Variants in NUDT4 observed in about 807,000 individuals in gnomAD.
NUDT4 encodes nudix hydrolase 4.
NUDT4 carries 5 observed loss-of-function variants against 23.1 expected under a neutral mutation model. The ratio of observed to expected loss-of-function variants is 0.22; its 90% CI spans 0.11 to 0.46. NUDT4 has a LOEUF of 0.46. Among genes scored for constraint, NUDT4 ranks in the 20% least tolerant of loss-of-function variants. The probability of loss-of-function intolerance (pLI) is 0.99; values close to 1 mark genes in which losing one functional copy is unlikely to be tolerated. For synonymous variants in NUDT4, 50 were observed against 79.0 expected (o/e 0.63, Z 1.95); for missense variants, 96 against 211.6 (o/e 0.45, Z 3.39).
At position 93,402,345 on chromosome 12, in the gene NUDT4, CTT is replaced by C. The variant is rs1877513115; in HGVS notation, c.*2968_*2969del. ...AGATTTGCAAACCAGGTTTCTGAAACTTTGGGTAAGGTGTATGCTTTTAACTT... is the reference window on the plus strand; with the variant it reads ...AGATTTGCAAACCAGGTTTCTGAAACTGGGTAAGGTGTATGCTTTTAACTT... On this transcript the variant is annotated 3_prime_UTR_variant, in exon 5 of 5. Coordinates refer to ENST00000415493, the MANE Select transcript of NUDT4 (RefSeq NM_019094.6). The C allele has an allele frequency of 2.6e-5, 4 of 151,910 alleles. No individual in the cohort carries two copies. Among genetic ancestry groups the C allele is most frequent in the Admixed American group, 6.6e-5 (1 of 15,250 alleles). The allele number at this position is 151,910 out of a possible 1,614,324, so 9.4% of individuals were successfully genotyped here.
chr12:93,398,082 C>A (rs938676097), intron 3 of NUDT4, among the ~76,000 whole-genome samples: 3 of 152,006 alleles, frequency 2.0e-5, no homozygotes, highest in Non-Finnish European at 4.4e-5. Context: ...GTGGCTCACA[C>A]CTGTAATCCC....
At chr12:93,388,659 G>C (rs117932920) in intron 1 of NUDT4, among the ~76,000 whole-genome samples, 22 of 152,244 alleles carry the variant, frequency 1.4e-4, no homozygotes, top group Admixed American at 7.2e-4. Flanking sequence ...CCATTTTCAT[G>C]ATTCTGATTT....
At chr12:93,394,745 T>TCCGGA (rs1386713210) in intron 2 of NUDT4, 26 bp downstream of exon 2, 1 of 1,439,146 alleles carries the variant, frequency 6.9e-7, no homozygotes, top group African/African-American at 1.4e-5. Flanking sequence ...ACACAAATTC[T>TCCGGA]GTTTCGGAGT....
At chr12:93,387,692 C>A (rs1876207713) in intron 1 of NUDT4, among the ~76,000 whole-genome samples, 1 of 152,270 alleles carries the variant, frequency 6.6e-6, no homozygotes, top group South Asian at 2.1e-4. Flanking sequence ...TGGTCTAGAT[C>A]TAGTGCTGGG....
At chr12:93,389,536 G>T (rs1592720207) in intron 1 of NUDT4, among the ~76,000 whole-genome samples, 1 of 152,092 alleles carries the variant, frequency 6.6e-6, no homozygotes, top group African/African-American at 2.4e-5. Flanking sequence ...GAGACACAAG[G>T]GTTCCATATT....
Position 93,404,169 on chromosome 12 carries a change from C to T in NUDT4, c.*4790C>T, listed in dbSNP as rs1303799488. The T allele has an allele frequency of 2.0e-5, 3 of 152,148 alleles. No homozygotes were observed. Among genetic ancestry groups the T allele is most frequent in the Non-Finnish European group, 4.4e-5 (3 of 68,034 alleles). The allele number at this position is 152,148 out of a possible 1,614,324, so 9.4% of individuals were successfully genotyped here. ...CATTTGGCCATCATTATTTATCAACCTTAAGAAACATGCCTATTGACGAAG... is the reference window on the plus strand; with the variant it reads ...CATTTGGCCATCATTATTTATCAACTTTAAGAAACATGCCTATTGACGAAG... On this transcript the variant is annotated 3_prime_UTR_variant, in exon 5 of 5. Transcript: ENST00000415493.
chr12:93,380,991 C>T (rs1189617068), intron 1 of NUDT4: 3 of 152,176 alleles, frequency 2.0e-5, no homozygotes, highest in African/African-American at 4.8e-5. Flanking sequence ...AAAAAAGCTA[C>T]GTGGCGCTCC....
intron 1 of NUDT4, among the ~76,000 whole-genome samples, chr12:93,390,541 A>G (rs1482863808): frequency 6.6e-6 from 1 of 152,024 alleles, no homozygotes; most frequent in Non-Finnish European, 1.5e-5. Flanking sequence ...GCACTTTTGG[A>G]TTTTTAATTT....
chr12:93,394,291 C>T (rs977335977), intron 1 of NUDT4, among the ~76,000 whole-genome samples: 13 of 152,168 alleles, frequency 8.5e-5, no homozygotes, highest in Middle Eastern at 3.4e-3. Flanking sequence ...CGTGAGCCAC[C>T]GCGCCCAGCC....
intron 3 of NUDT4, among the ~76,000 whole-genome samples, chr12:93,397,189 A>C (rs1007304084): frequency 1.4e-4 from 22 of 152,190 alleles, no homozygotes; most frequent in Non-Finnish European, 2.9e-4. Flanking sequence ...CATCCCAGTG[A>C]TTTTTGTGAA....
intron 1 of NUDT4, among the ~76,000 whole-genome samples, chr12:93,391,819 T>C (rs1248033165): frequency 1.3e-5 from 2 of 152,164 alleles, no homozygotes; most frequent in African/African-American, 4.8e-5. Context: ...ACTGTTTAAA[T>C]TTACTTGAAG....
At chr12:93,385,767 T>G (rs1391093508) in intron 1 of NUDT4, among the ~76,000 whole-genome samples, 1 of 151,790 alleles carries the variant, frequency 6.6e-6, no homozygotes, top group African/African-American at 2.4e-5. Context: ...AGCTGCCTAT[T>G]ATTTGAAATC....
At chr12:93,398,687 G>A in intron 3 of NUDT4, 84 bp from the exon 4 acceptor site, 2 of 841,792 alleles carry the variant, frequency 2.4e-6, no homozygotes, top group Non-Finnish European at 4.0e-6. Context: ...TCAGCAGTAT[G>A]CCAGACTAAT....
At position 93,403,161 on chromosome 12, in the gene NUDT4, G is replaced by T. The variant is rs763501111; in HGVS notation, c.*3782G>T. 1 of 151,804 alleles carries T rather than the reference G, an allele frequency of 6.6e-6. No individual in the cohort carries two copies. The highest frequency in any genetic ancestry group is 2.4e-5 in the African/African-American group (1 of 41,264). The allele number at this position is 151,804 out of a possible 1,614,324, so 9.4% of individuals were successfully genotyped here. On this transcript the variant is annotated 3_prime_UTR_variant, in exon 5 of 5. Coordinates refer to ENST00000415493, the MANE Select transcript of NUDT4 (RefSeq NM_019094.6). Reference sequence around the variant, plus strand: ...TAGGATGATTGGCATGAGCCACCTCGTCTGGCCTGCAGGTCTTTTTAAGCA... The same window carrying T: ...TAGGATGATTGGCATGAGCCACCTCTTCTGGCCTGCAGGTCTTTTTAAGCA...
chr12:93,399,092 T>C, intron 4 of NUDT4, 85 bp from the exon 5 acceptor site: 1 of 950,700 alleles, frequency 1.1e-6, no homozygotes, highest in Non-Finnish European at 1.7e-6. Flanking sequence ...GTCTAAGTCA[T>C]TTATCGGGGA....
chr12:93,391,702 A>C (rs1876518394), intron 1 of NUDT4, among the ~76,000 whole-genome samples: 1 of 152,002 alleles, frequency 6.6e-6, no homozygotes, highest in Non-Finnish European at 1.5e-5. Context: ...GTGTCACTGC[A>C]CTCCAACGTG....
rs1877657609 is a variant in NUDT4 at position 93,404,082 on chromosome 12, A to G, written c.*4703A>G. On this transcript the variant is annotated 3_prime_UTR_variant, in exon 5 of 5. Coordinates refer to ENST00000415493, the MANE Select transcript of NUDT4 (RefSeq NM_019094.6). ...TCCTGATGCTAATCAGTATCAGACAATGGAAGTAAATTTTCCTGCTTTTCT... is the reference window on the plus strand; with the variant it reads ...TCCTGATGCTAATCAGTATCAGACAGTGGAAGTAAATTTTCCTGCTTTTCT... 1 of 152,220 alleles carries G rather than the reference A, an allele frequency of 6.6e-6. No individual in the cohort carries two copies. The highest frequency in any genetic ancestry group is 2.4e-5 in the African/African-American group (1 of 41,450). 9.4% of individuals were successfully genotyped at this position (152,220 alleles called of 1,614,324 possible).
At chr12:93,385,968 T>TATATATATATATATATATATATATAC (rs1555193197) in intron 1 of NUDT4, among the ~76,000 whole-genome samples, 2 of 133,602 alleles carry the variant, frequency 1.5e-5, no homozygotes, top group African/African-American at 5.7e-5. Flanking sequence ...TATATATATA[T>TATATATATATATATATATATATATAC]ATACATAATT....
chr12:93,400,110 G>C lies in NUDT4; in HGVS notation c.*731G>C, dbSNP rs563070463. The C allele has an allele frequency of 6.7e-6, 1 of 148,660 alleles. No individual in the cohort carries two copies. The highest frequency in any genetic ancestry group is 6.8e-5 in the Admixed American group (1 of 14,700). 9.2% of individuals were successfully genotyped at this position (148,660 alleles called of 1,614,324 possible). On this transcript the variant is annotated 3_prime_UTR_variant, in exon 5 of 5. Coordinates refer to ENST00000415493, the MANE Select transcript of NUDT4 (RefSeq NM_019094.6). ...ATATTAGCAAAATGCATGTAGTAAAGACATCTTATGAAAACTGTATTCATG... is the reference window on the plus strand; with the variant it reads ...ATATTAGCAAAATGCATGTAGTAAACACATCTTATGAAAACTGTATTCATG...
Sources: allele counts gnomAD v4.1 joint callset (sites outside exome capture counted in the v4.1 genomes callset), GRCh38; gene constraint gnomAD v4.1.1; transcripts MANE v1.5; gene names NCBI Gene and HGNC (gene_info 2026-07-23, HGNC 2026-07-21).